ANKRD33B: variants seen among roughly 807,000 people sequenced by gnomAD.
The protein encoded by ANKRD33B is ankyrin repeat domain 33B.
A neutral mutation model predicts 21.5 loss-of-function variants in ANKRD33B; 6 were observed. The ratio of observed to expected loss-of-function variants is 0.28; its 90% CI spans 0.15 to 0.55. The LOEUF (loss-of-function observed/expected upper bound fraction) is 0.55. ANKRD33B is among the 20% of genes least tolerant of loss of function. The probability of loss-of-function intolerance (pLI) is 0.94; values close to 1 mark genes in which losing one functional copy is unlikely to be tolerated. For missense variants in ANKRD33B, 698 were observed against 747.2 expected, an observed-to-expected ratio of 0.93 and a Z score of 0.77; for synonymous variants, 347 against 342.4, an observed-to-expected ratio of 1.01 and a Z score of -0.15.
intron 1 of ANKRD33B, among the ~76,000 whole-genome samples, chr5:10,568,038 G>A (rs889829280): frequency 6.6e-6 from 1 of 152,194 alleles, no homozygotes; most frequent in Non-Finnish European, 1.5e-5. Flanking sequence ...GAGCTGACAG[G>A]CATTCCATTT....
chr5:10,571,059 G>A (rs1579707888), intron 1 of ANKRD33B, among the ~76,000 whole-genome samples: 1 of 152,090 alleles, frequency 6.6e-6, no homozygotes, highest in South Asian at 2.1e-4. Flanking sequence ...CAAACAACAG[G>A]TAGAATAATC....
intron 3 of ANKRD33B, among the ~76,000 whole-genome samples, chr5:10,639,263 CGTGGAGTTGCGCGGCGATGTTA>C (rs1736962793): frequency 1.7e-4 from 2 of 11,872 alleles, no homozygotes; most frequent in Non-Finnish European, 3.4e-4. Context: ...TAGGCGGTGA[CGTGGAGTTGCGCGGCGATGTTA>C]GCGGGTGACG....
Position 10,618,626 on chromosome 5 carries a change from G to A in ANKRD33B, c.496+164G>A, listed in dbSNP as rs189832223. 7.9e-5 allele frequency among the ~76,000 whole-genome samples: 12 copies of A among 152,338 alleles called. No homozygotes were observed. The East Asian group carries it at 2.3e-3, about 29-fold the overall frequency. ...GCTGATTGCTGTGACCACACGCTAT[G>A]CATTTACCCACTTGTTCAGAATTCA... On this transcript the variant is annotated intron_variant, in intron 2 of 3. Transcript: ENST00000296657.
chr5:10,590,172 G>C (rs56236226), intron 1 of ANKRD33B, among the ~76,000 whole-genome samples: 54,094 of 151,900 alleles, frequency 0.36, 11,251 homozygotes, highest in East Asian at 0.6. Context: ...AAGCTTGATC[G>C]TTCTAATTTC....
chr5:10,650,465 G>A lies in ANKRD33B; in HGVS notation c.*352G>A, dbSNP rs1256097004. 6.0e-6 allele frequency: 1 copy of A among 165,336 alleles called. No homozygotes were observed. Among genetic ancestry groups the A allele is most frequent in the African/African-American group, 2.4e-5 (1 of 41,928 alleles). The allele number at this position is 165,336 out of a possible 1,614,324, so 10.2% of individuals were successfully genotyped here. On this transcript the variant is annotated 3_prime_UTR_variant, in exon 4 of 4. Transcript: ENST00000296657. ...AATCATTATTTATCAAATTTGCAAC[G>A]TTTTACAAGTGATAGGGCCCCTTAT...
At chr5:10,602,492 G>A (rs1307889528) in intron 1 of ANKRD33B, among the ~76,000 whole-genome samples, 4 of 152,204 alleles carry the variant, frequency 2.6e-5, no homozygotes, top group Non-Finnish European at 5.9e-5. Context: ...TTGTGAGGTG[G>A]ACCAGTATTT....
At chr5:10,646,431 A>G (rs981637396) in intron 3 of ANKRD33B, among the ~76,000 whole-genome samples, 4 of 152,200 alleles carry the variant, frequency 2.6e-5, no homozygotes, top group African/African-American at 9.6e-5. Flanking sequence ...GCAGATCCCT[A>G]ATTTATAGCA....
In ANKRD33B at chr5:10,564,586, T is replaced by A. The variant is rs1435215352; in HGVS notation, c.119T>A (p.Phe40Tyr). ...GAGGACCCCGCTGACTACGAAGAGT[T>A]TGAGGACTTCTCGAGTCTGCCAGAC... ...VEEDPADYEE[F>Y]EDFSSLPDTR... The change falls in exon 1 of 4, where the codon TTT becomes TAT. Residue 40 changes from phenylalanine (F) to tyrosine (Y), a missense_variant. Physicochemically the swap from Phe to Tyr is conservative, Grantham distance 22. Around this residue, in one of 3 missense-constraint regions of ANKRD33B, gnomAD observed 148 missense variants for 154.9 expected, o/e 0.96. Transcript: ENST00000296657. 3 of 1,534,612 alleles carry A rather than the reference T, an allele frequency of 2.0e-6. No homozygotes were observed. In the South Asian group the frequency reaches 3.6e-5, roughly 18 times the overall value.
At chr5:10,624,600 G>C (rs574914501) in intron 2 of ANKRD33B, 4 of 379,460 alleles carry the variant, frequency 1.1e-5, no homozygotes, top group Non-Finnish European at 2.1e-5. Context: ...GGTTGCATAC[G>C]GAGGCAGAGG....
chr5:10,615,395 C>T (rs964627107), intron 1 of ANKRD33B, among the ~76,000 whole-genome samples: 5 of 152,174 alleles, frequency 3.3e-5, no homozygotes, highest in African/African-American at 9.7e-5. Context: ...CTTTTCATTG[C>T]AGGTTTTACT....
rs1737307045 is a variant in ANKRD33B at position 10,650,098 on chromosome 5, G to A, written c.1470G>A (p.Trp490Ter). The A allele has an allele frequency of 6.6e-7, 1 of 1,523,744 alleles. No individual in the cohort carries two copies. The highest frequency in any genetic ancestry group is 8.8e-7 in the Non-Finnish European group (1 of 1,139,928). The allele number at this position is 1,523,744 out of a possible 1,614,324, so 94.4% of individuals were successfully genotyped here. The change falls in exon 4 of 4, where the codon TGG becomes TGA. Residue 490 changes from tryptophan (W) to a stop codon, truncating the protein, a stop_gained. Transcript: ENST00000296657. LOFTEE classifies it high-confidence loss of function. ...EAQKERRTAP[W>*]KKRT ...AGAAGGAGAGGCGCACTGCGCCCTG[G>A]AAGAAGAGGACGTGAGGGCCCGTGT...
chr5:10,608,840 G>C (rs1736107051), intron 1 of ANKRD33B, among the ~76,000 whole-genome samples: 1 of 152,180 alleles, frequency 6.6e-6, no homozygotes, highest in South Asian at 2.1e-4. Flanking sequence ...GTGGTGTCGA[G>C]AAAACAATCG....
At position 10,619,972 on chromosome 5, in the gene ANKRD33B, C is replaced by T. The variant is rs1003898062; in HGVS notation, c.496+1510C>T. ...ATTTGAGCTGGGGCTGAGAGGGAGC[C>T]GGGCAGTTCTCAGGAATGGCGAGTC... On this transcript the variant is annotated intron_variant, in intron 2 of 3. Coordinates refer to ENST00000296657, the MANE Select transcript of ANKRD33B (RefSeq NM_001164440.2). This position sits in a 1 kb window ranked among gnomAD's most constrained non-coding sequence, Gnocchi z 4.5. Among the ~76,000 whole-genome samples the T allele has an allele frequency of 1.3e-5, 2 of 152,060 alleles. No homozygotes were observed. Among genetic ancestry groups the T allele is most frequent in the Non-Finnish European group, 2.9e-5 (2 of 68,006 alleles).
intron 2 of ANKRD33B, among the ~76,000 whole-genome samples, chr5:10,626,692 G>A (rs558288635): frequency 3.9e-5 from 6 of 152,294 alleles, no homozygotes; most frequent in Admixed American, 3.3e-4. Flanking sequence ...GAAGTGCCAC[G>A]GCTTCACGTT....
At chr5:10,633,113 TTC>T (rs1560981971) in intron 2 of ANKRD33B, among the ~76,000 whole-genome samples, 2 of 52,170 alleles carry the variant, frequency 3.8e-5, no homozygotes, top group Non-Finnish European at 9.6e-5. Flanking sequence ...TTTTTTTTTT[TTC>T]TTTTTGAGAT....
chr5:10,605,982 C>T (rs993990323), intron 1 of ANKRD33B, among the ~76,000 whole-genome samples: 2 of 152,240 alleles, frequency 1.3e-5, no homozygotes, highest in Admixed American at 6.5e-5. Flanking sequence ...CTGACAGTCA[C>T]TGCCTTCAGG....
intron 1 of ANKRD33B, among the ~76,000 whole-genome samples, chr5:10,575,317 G>A (rs1735294926): frequency 6.6e-6 from 1 of 151,944 alleles, no homozygotes; most frequent in Non-Finnish European, 1.5e-5. Context: ...CAGCTACTCG[G>A]GAGGCTGAGG....
At chr5:10,626,850 G>A (rs1459754988) in intron 2 of ANKRD33B, among the ~76,000 whole-genome samples, 4 of 152,344 alleles carry the variant, frequency 2.6e-5, no homozygotes, top group African/African-American at 9.6e-5. Context: ...CCAAACCAGT[G>A]ATGGAGGATG....
At chr5:10,587,548 ATT>A (rs1443371041) in intron 1 of ANKRD33B, among the ~76,000 whole-genome samples, 9 of 143,416 alleles carry the variant, frequency 6.3e-5, no homozygotes, top group African/African-American at 1.5e-4. Context: ...TTCTGATACA[ATT>A]TTTTTTTTTT....
Sources: allele counts gnomAD v4.1 joint callset (sites outside exome capture counted in the v4.1 genomes callset), GRCh38; gene constraint gnomAD v4.1.1; regional missense constraint gnomAD v4.1.1; non-coding constraint Gnocchi (gnomAD v3.1); transcripts MANE v1.5; gene names NCBI Gene and HGNC (gene_info 2026-07-23, HGNC 2026-07-21).